The following ESF1 variants were observed in gnomAD, a reference collection of about 807,000 sequenced individuals.
ESF1 encodes the protein ESF1 homolog.
In ESF1, 58 loss-of-function variants were observed where a neutral mutation model predicts 92.0. That is an observed-to-expected ratio of 0.63 (90% confidence interval 0.51 to 0.78). The LOEUF is 0.78. ESF1 is among the 30% of genes least tolerant of loss of function. The pLI, the probability that ESF1 is intolerant of heterozygous loss-of-function variation, is 0.00. For synonymous variants in ESF1, 321 were observed against 313.7 expected (o/e 1.02, Z -0.24); for missense variants, 922 against 989.1 (o/e 0.93, Z 0.91).
In ESF1 at chr20:13,717,437, G is replaced by T; in HGVS notation, c.2193C>A (p.His731Gln). Residue 731 changes from histidine to glutamine, a missense_variant, in exon 13 of 14, where the codon CAC becomes CAA. Coordinates refer to ENST00000617257, the MANE Select transcript of ESF1 (RefSeq NM_001276380.2). ...KHFNYNKIVE[H>Q]QNLSKKKKKQ... ...TTTTCTTCTTTTTGCTCAGATTCTG[G>T]TGCTCCACAATCTTGTTGTAATTGA... The T allele has an allele frequency of 6.2e-7, 1 of 1,613,864 alleles. No individual in the cohort carries two copies. Among genetic ancestry groups the T allele is most frequent in the African/African-American group, 1.3e-5 (1 of 74,950 alleles).
At chr20:13,771,912 C>CTTT (rs5840576) in intron 5 of ESF1, among the ~76,000 whole-genome samples, 2 of 128,774 alleles carry the variant, frequency 1.6e-5, no homozygotes, top group Non-Finnish European at 3.3e-5. Context: ...ACAACACATT[C>CTTT]TTTTTTTTTT....
chr20:13,783,016 A>C lies in ESF1; in HGVS notation c.125T>G (p.Phe42Cys). ...VKIDKRFRAMFHDKKFKLNYA... is the reference protein window; with the variant it reads ...VKIDKRFRAMCHDKKFKLNYA... ...GTTCAACTTGAACTTCTTGTCATGA[A>C]ACATGGCTCGAAATCTCTTGTCAAT... is the stretch of plus-strand genomic sequence containing the variant. The change falls in exon 2 of 14, where the codon TTT (phenylalanine) becomes TGT (cysteine). Residue 42 changes from phenylalanine (F) to cysteine (C), a missense_variant. Physicochemically the swap from Phe to Cys is radical, Grantham distance 205 (BLOSUM62 -2). Transcript: ENST00000617257. The C allele has an allele frequency of 1.9e-6, 3 of 1,614,138 alleles. No individual in the cohort carries two copies. The highest frequency in any genetic ancestry group is 2.5e-6 in the Non-Finnish European group (3 of 1,180,034).
chr20:13,717,239 C>T (rs768090980), intron 13 of ESF1, 129 bp downstream of exon 13: 30 of 1,110,300 alleles, frequency 2.7e-5, no homozygotes, highest in African/African-American at 6.2e-5. Flanking sequence ...GGATTATAGG[C>T]GTGAGCCACT....
chr20:13,767,968 A>C (rs6074639), intron 7 of ESF1, among the ~76,000 whole-genome samples: 148,406 of 152,344 alleles, frequency 0.97, 72,397 homozygotes, highest in East Asian at 1. Flanking sequence ...AACCACCAAA[A>C]CACTGTTGGA....
At chr20:13,776,744 G>A (rs1264990777) in intron 2 of ESF1, among the ~76,000 whole-genome samples, 4 of 152,138 alleles carry the variant, frequency 2.6e-5, no homozygotes, top group African/African-American at 9.7e-5. Flanking sequence ...GATTTAATGG[G>A]GTCCCTAAGT....
At position 13,714,682 on chromosome 20, in the gene ESF1, A is replaced by C. The variant is rs181344100; in HGVS notation, c.*192T>G. 1,198 of 534,738 alleles carry C rather than the reference A, an allele frequency of 2.2e-3. 5 individuals are homozygous for C. Among genetic ancestry groups the C allele is most frequent in the South Asian group, 3.7e-3 (131 of 35,348 alleles). The allele number at this position is 534,738 out of a possible 1,614,324, so 33.1% of individuals were successfully genotyped here. On this transcript the variant is annotated 3_prime_UTR_variant, in exon 14 of 14. Coordinates refer to ENST00000617257, the MANE Select transcript of ESF1 (RefSeq NM_001276380.2). Reference sequence around the variant, plus strand: ...AATTTAATTATGACTGATCTGTAGGAATATACAATAAAAATTTGTCAGTCA... The same window carrying C: ...AATTTAATTATGACTGATCTGTAGGCATATACAATAAAAATTTGTCAGTCA...
At chr20:13,781,908 G>A (rs1035256803) in intron 2 of ESF1, among the ~76,000 whole-genome samples, 1 of 152,010 alleles carries the variant, frequency 6.6e-6, no homozygotes, top group East Asian at 1.9e-4. Context: ...ACAGAGTCTC[G>A]CTCTGTCAGC....
chr20:13,725,272 T>C (rs527891829), intron 11 of ESF1, among the ~76,000 whole-genome samples: 9 of 152,354 alleles, frequency 5.9e-5, no homozygotes, highest in African/African-American at 1.9e-4. Flanking sequence ...TTATCTGCAT[T>C]TGTATTTACT....
At position 13,718,956 on chromosome 20, in the gene ESF1, T is replaced by C. The variant is rs1600263059; in HGVS notation, c.2067A>G (p.Ala689=). The change falls in exon 12 of 14, where the codon GCA becomes GCG. Residue 689 remains alanine, a synonymous_variant. Transcript: ENST00000617257. ...IGINKKSVKS[A]KDGTSPEEEI... ...CTTCTTCTGGAGATGTGCCATCTTT[T>C]GCAGATTTTACCGATTTTTTATTTA... The C allele has an allele frequency of 6.2e-7, 1 of 1,605,426 alleles. No individual in the cohort carries two copies. The highest frequency in any genetic ancestry group is 8.5e-7 in the Non-Finnish European group (1 of 1,177,568).
intron 2 of ESF1, among the ~76,000 whole-genome samples, chr20:13,778,261 T>C (rs1980030664): frequency 2.0e-5 from 3 of 152,066 alleles, no homozygotes; most frequent in Admixed American, 1.3e-4. Context: ...CCAATAGAAG[T>C]GAAAAGCGCC....
At chr20:13,743,452 G>A (rs758172143) in intron 9 of ESF1, among the ~76,000 whole-genome samples, 1 of 152,044 alleles carries the variant, frequency 6.6e-6, no homozygotes, top group East Asian at 1.9e-4. Context: ...AGCATTATTC[G>A]CAATAACCAA....
chr20:13,754,508 C>T (rs928568154), intron 9 of ESF1, among the ~76,000 whole-genome samples: 2 of 152,192 alleles, frequency 1.3e-5, no homozygotes, highest in South Asian at 2.1e-4. Flanking sequence ...GTACTCTTAA[C>T]TGTATAACCA....
chr20:13,735,124 T>TC (rs1017473638), intron 9 of ESF1, among the ~76,000 whole-genome samples: 2 of 151,806 alleles, frequency 1.3e-5, no homozygotes, highest in Non-Finnish European at 2.9e-5. Flanking sequence ...TGCACTGATT[T>TC]CCCCCCCTCA....
chr20:13,724,851 C>A (rs762778546), intron 11 of ESF1, among the ~76,000 whole-genome samples: 1 of 152,284 alleles, frequency 6.6e-6, no homozygotes, highest in Non-Finnish European at 1.5e-5. Flanking sequence ...TGGGGGCACA[C>A]AGCTTTGTAA....
intron 9 of ESF1, among the ~76,000 whole-genome samples, chr20:13,755,233 C>T (rs929870847): frequency 4.7e-4 from 72 of 152,226 alleles, no homozygotes; most frequent in African/African-American, 1.7e-3. Flanking sequence ...GACCAGCTAT[C>T]CATTTCACTA....
intron 4 of ESF1, among the ~76,000 whole-genome samples, chr20:13,773,525 G>C (rs1163527473): frequency 6.6e-6 from 1 of 151,928 alleles, no homozygotes; most frequent in Non-Finnish European, 1.5e-5. Flanking sequence ...GGAGCTATTA[G>C]GAGGTGAAGA....
chr20:13,729,332 G>C (rs904908046), intron 10 of ESF1, among the ~76,000 whole-genome samples: 32 of 152,334 alleles, frequency 2.1e-4, no homozygotes, highest in African/African-American at 7.7e-4. Context: ...GGGAGAAATG[G>C]AAGTTATCAG....
intron 8 of ESF1, among the ~76,000 whole-genome samples, chr20:13,765,667 G>C (rs1391697285): frequency 6.6e-6 from 1 of 152,198 alleles, no homozygotes; most frequent in East Asian, 1.9e-4. Context: ...TGGTCAATCT[G>C]AAGTAAACCA....
chr20:13,753,512 A>G (rs1376270946), intron 9 of ESF1, among the ~76,000 whole-genome samples: 1 of 151,102 alleles, frequency 6.6e-6, no homozygotes, highest in Non-Finnish European at 1.5e-5. Flanking sequence ...CCTGATGTAG[A>G]TATCTAATGA....
Sources: gnomAD v4.1 joint callset for allele counts (sites outside exome capture counted in the v4.1 genomes callset) on GRCh38, gnomAD v4.1.1 for gene constraint, MANE v1.5 for transcripts, NCBI Gene and HGNC (gene_info 2026-07-23, HGNC 2026-07-21) for gene names.